The following NRXN1 variants were observed in gnomAD, a reference collection of about 807,000 sequenced individuals.
NRXN1 encodes the protein neurexin-1.
NRXN1 carries 39 observed loss-of-function variants against 150.9 expected under a neutral mutation model. The ratio of observed to expected loss-of-function variants is 0.26; its 90% CI spans 0.20 to 0.34. The LOEUF is 0.34. Ranked by LOEUF, NRXN1 falls within the 10% of genes least tolerant of loss-of-function variation. The pLI is 1.00. For synonymous variants in NRXN1, 924 were observed against 757.0 expected, an observed-to-expected ratio of 1.22 and a Z score of -3.62; for missense variants, 1,815 against 1,949.9, an observed-to-expected ratio of 0.93 and a Z score of 1.30.
At chr2:51,003,809 A>G (rs978743477) in intron 2 of NRXN1, among the ~76,000 whole-genome samples, 1 of 152,026 alleles carries the variant, frequency 6.6e-6, no homozygotes, top group Non-Finnish European at 1.5e-5. Context: ...CCAAACAAGA[A>G]GTGAGTTACA....
chr2:50,253,925 C>A (rs554895184), intron 17 of NRXN1, among the ~76,000 whole-genome samples: 2 of 150,466 alleles, frequency 1.3e-5, no homozygotes, highest in Admixed American at 6.6e-5. Context: ...AATGCTGGCC[C>A]CATAAAATGA....
At chr2:50,933,977 G>C (rs1050221517) in intron 2 of NRXN1, among the ~76,000 whole-genome samples, 2 of 152,048 alleles carry the variant, frequency 1.3e-5, no homozygotes, top group African/African-American at 4.8e-5. Context: ...CTACCGGCAA[G>C]TCTGCATTTC....
intron 5 of NRXN1, among the ~76,000 whole-genome samples, chr2:50,879,975 G>A (rs6752155): frequency 0.53 from 80,023 of 151,642 alleles, 23,090 homozygotes; most frequent in Non-Finnish European, 0.67. Context: ...ACATTTTTCA[G>A]CACTGAATTA....
chr2:50,688,389 T>C (rs2104854847), intron 5 of NRXN1, among the ~76,000 whole-genome samples: 1 of 152,292 alleles, frequency 6.6e-6, no homozygotes, highest in South Asian at 2.1e-4. Context: ...GAACCCTCCC[T>C]ACAGAGCCCT....
intron 17 of NRXN1, among the ~76,000 whole-genome samples, chr2:50,305,662 A>C (rs1400722961): frequency 6.6e-6 from 1 of 152,216 alleles, no homozygotes; most frequent in Non-Finnish European, 1.5e-5. Context: ...GATTGCTAAT[A>C]AGCATAGATC....
At chr2:50,536,020 G>T (rs549546271) in intron 10 of NRXN1, among the ~76,000 whole-genome samples, 3 of 152,268 alleles carry the variant, frequency 2.0e-5, no homozygotes, top group African/African-American at 7.2e-5. Context: ...AGTGACCAAT[G>T]TGTGTCTGGA....
intron 17 of NRXN1, among the ~76,000 whole-genome samples, chr2:50,268,241 C>A (rs2069131140): frequency 6.6e-6 from 1 of 151,988 alleles, no homozygotes; most frequent in South Asian, 2.1e-4. Context: ...CCTGAGCTGG[C>A]ATTTGAAAGA....
intron 5 of NRXN1, among the ~76,000 whole-genome samples, chr2:50,808,329 A>G (rs569245122): frequency 3.9e-5 from 6 of 152,162 alleles, no homozygotes; most frequent in Non-Finnish European, 7.4e-5. Context: ...TGTTTTATGG[A>G]AAACTTTTTA....
intron 2 of NRXN1, among the ~76,000 whole-genome samples, chr2:50,994,566 G>A (rs1699000885): frequency 6.6e-6 from 1 of 152,056 alleles, no homozygotes; most frequent in East Asian, 1.9e-4. Flanking sequence ...ATCATAATCA[G>A]AGAATTGATT....
chr2:50,574,223 C>T (rs1391609853), intron 8 of NRXN1, among the ~76,000 whole-genome samples: 1 of 151,930 alleles, frequency 6.6e-6, no homozygotes, highest in Non-Finnish European at 1.5e-5. Context: ...AAAAGAAAGC[C>T]CCAAATGCCA....
chr2:50,121,642 A>G (rs574453974), intron 18 of NRXN1, among the ~76,000 whole-genome samples: 4 of 152,334 alleles, frequency 2.6e-5, no homozygotes, highest in South Asian at 4.1e-4. Flanking sequence ...AAGGCTCACA[A>G]TAAAAGTCTT....
At chr2:50,361,533 GAT>G (rs1461770424) in intron 17 of NRXN1, among the ~76,000 whole-genome samples, 2 of 152,086 alleles carry the variant, frequency 1.3e-5, no homozygotes, top group Middle Eastern at 3.2e-3. Context: ...TACATTCCTG[GAT>G]ATATACACCC....
At position 50,881,049 on chromosome 2, in the gene NRXN1, C is replaced by A. The variant is rs145695153; in HGVS notation, c.832+40820G>T. 4.6e-5 allele frequency among the ~76,000 whole-genome samples: 7 copies of A among 152,022 alleles called. No homozygotes were observed. In the East Asian group the frequency reaches 1.4e-3, roughly 30 times the overall value. ...TTATTAAGTAGCATCACATTATCAA[C>A]CATATGAATTTATTAAAGCAACTTT... is the stretch of plus-strand genomic sequence containing the variant. On this transcript the variant is annotated intron_variant, in intron 5 of 22. Coordinates refer to ENST00000401669, the MANE Select transcript of NRXN1 (RefSeq NM_001330078.2).
At chr2:50,855,296 G>A (rs199799992) in intron 5 of NRXN1, among the ~76,000 whole-genome samples, 7 of 152,014 alleles carry the variant, frequency 4.6e-5, no homozygotes, top group Admixed American at 1.3e-4. Flanking sequence ...AGCAATGAAC[G>A]TATGTTTCAA....
At chr2:50,192,344 C>T (rs148998151) in intron 18 of NRXN1, among the ~76,000 whole-genome samples, 644 of 152,164 alleles carry the variant, frequency 4.2e-3, no homozygotes, top group Non-Finnish European at 7.0e-3. Flanking sequence ...TGTAACTTTG[C>T]TGTAATTACA....
chr2:50,096,276 C>T lies in NRXN1; in HGVS notation c.3547-4782G>A, dbSNP rs76506202. On this transcript the variant is annotated intron_variant, in intron 18 of 22. Coordinates refer to ENST00000401669, the MANE Select transcript of NRXN1 (RefSeq NM_001330078.2). The stretch of plus-strand genomic sequence containing the variant: ...CAATAAATTTAAAATACACATAAAG[C>T]ACAAAATACTAATAACAAGCATATT... 1.3e-3 allele frequency among the ~76,000 whole-genome samples: 196 copies of T among 152,126 alleles called. 2 individuals carry two copies. In the East Asian group the frequency reaches 0.033, roughly 26 times the overall value.
chr2:50,522,214 T>C (rs558510972), intron 12 of NRXN1, among the ~76,000 whole-genome samples: 3 of 152,298 alleles, frequency 2.0e-5, no homozygotes, highest in Middle Eastern at 3.4e-3. Context: ...TGGGGATATT[T>C]GTATAAAAGA....
At chr2:50,047,300 G>A (rs1358393737) in intron 21 of NRXN1, among the ~76,000 whole-genome samples, 1 of 151,796 alleles carries the variant, frequency 6.6e-6, no homozygotes, top group Non-Finnish European at 1.5e-5. Context: ...TGTACTTTTT[G>A]AGTTTCCATC....
intron 13 of NRXN1, among the ~76,000 whole-genome samples, chr2:50,503,199 T>C (rs2092041627): frequency 6.6e-6 from 1 of 151,710 alleles, no homozygotes; most frequent in South Asian, 2.1e-4. Flanking sequence ...TCCCAGCTAC[T>C]TGGGAAGCTG....
Sources: gnomAD v4.1 joint callset for allele counts (sites outside exome capture counted in the v4.1 genomes callset) on GRCh38, gnomAD v4.1.1 for gene constraint, MANE v1.5 for transcripts, NCBI Gene and HGNC (gene_info 2026-07-23, HGNC 2026-07-21) for gene names.